PARD3: variants seen among roughly 807,000 people sequenced by gnomAD.
PARD3 encodes the protein par-3 family cell polarity regulator, also known as partitioning defective 3 homolog.
In PARD3, 75 loss-of-function variants were observed where a neutral mutation model predicts 155.4. That is an observed-to-expected ratio of 0.48 (90% CI 0.40 to 0.58). The LOEUF (loss-of-function observed/expected upper bound fraction) is 0.58. Ranked by LOEUF, PARD3 falls within the 20% of genes least tolerant of loss-of-function variation. PARD3 has a pLI of 0.00. For missense variants in PARD3, 1,642 were observed against 1,721.7 expected (o/e 0.95, Z 0.82); for synonymous variants, 576 against 610.5 (o/e 0.94, Z 0.83).
At chr10:34,676,377 C>T (rs1011800267) in intron 2 of PARD3, among the ~76,000 whole-genome samples, 1 of 152,136 alleles carries the variant, frequency 6.6e-6, no homozygotes, top group Non-Finnish European at 1.5e-5. Context: ...GTCTGTCTTT[C>T]TTAGCAGTGC....
intron 2 of PARD3, among the ~76,000 whole-genome samples, chr10:34,588,349 T>TA (rs1166534353): frequency 8.5e-5 from 13 of 152,340 alleles, no homozygotes; most frequent in African/African-American, 3.1e-4. Flanking sequence ...TTCTTTGCTG[T>TA]AAAGTCTATC....
At chr10:34,232,850 G>C (rs1490149753) in intron 22 of PARD3, among the ~76,000 whole-genome samples, 2 of 151,784 alleles carry the variant, frequency 1.3e-5, no homozygotes, top group African/African-American at 4.8e-5. Context: ...ACAGGCACAT[G>C]CCATCACGTG....
At chr10:34,795,602 C>T (rs1396307557) in intron 1 of PARD3, among the ~76,000 whole-genome samples, 1 of 151,898 alleles carries the variant, frequency 6.6e-6, no homozygotes, top group Non-Finnish European at 1.5e-5. Flanking sequence ...AGAGCAAGAC[C>T]CTGTCTCAAA....
chr10:34,665,770 G>A (rs1269691828), intron 2 of PARD3, among the ~76,000 whole-genome samples: 1 of 149,184 alleles, frequency 6.7e-6, no homozygotes, highest in Non-Finnish European at 1.5e-5. Context: ...CCCAGGAGGC[G>A]GAGGTTGCAG....
intron 20 of PARD3, among the ~76,000 whole-genome samples, chr10:34,297,408 T>C (rs1010600410): frequency 1.2e-4 from 19 of 152,220 alleles, no homozygotes; most frequent in Admixed American, 1.2e-3. Flanking sequence ...ATAAAACTAC[T>C]GTATAAAAAA....
intron 23 of PARD3, among the ~76,000 whole-genome samples, chr10:34,126,779 G>A (rs1164175884): frequency 2.1e-5 from 3 of 142,130 alleles, no homozygotes; most frequent in African/African-American, 7.9e-5. Flanking sequence ...TCATTTACAT[G>A]ATCAGTAAAA....
chr10:34,374,521 G>A (rs1841023162), intron 11 of PARD3, among the ~76,000 whole-genome samples: 1 of 152,174 alleles, frequency 6.6e-6, no homozygotes, highest in African/African-American at 2.4e-5. Context: ...TATGCAGTGT[G>A]GAAGATGGCA....
chr10:34,120,589 T>C (rs144838917), intron 23 of PARD3, among the ~76,000 whole-genome samples: 1 of 152,220 alleles, frequency 6.6e-6, no homozygotes, highest in Admixed American at 6.5e-5. Flanking sequence ...TAGTACAGGA[T>C]GACAGTGAAA....
chr10:34,304,642 C>CG (rs930963913), intron 20 of PARD3, among the ~76,000 whole-genome samples: 11 of 152,268 alleles, frequency 7.2e-5, no homozygotes, highest in Admixed American at 5.2e-4. Flanking sequence ...TGTTCAAATT[C>CG]GGTGTGACTC....
rs544498816 is a variant in PARD3, at chr10:34,250,151, C to CCG, written c.3419+19505_3419+19506insCG. Among the ~76,000 whole-genome samples the CCG allele has an allele frequency of 3.5e-3, 534 of 151,480 alleles. 4 individuals are homozygous for CCG. Among genetic ancestry groups the CCG allele is most frequent in the South Asian group, 0.02 (97 of 4,800 alleles). On this transcript the variant is annotated intron_variant, in intron 22 of 24. Transcript: ENST00000374788. The stretch of plus-strand genomic sequence containing the variant: ...TTAAAGAATTAAAGAAAACTGCTCC[C>CCG]CCTCCACACACACACAGCTTTCCAC...
intron 5 of PARD3, among the ~76,000 whole-genome samples, chr10:34,426,420 C>T (rs1564699981): frequency 6.6e-6 from 1 of 152,088 alleles, no homozygotes; most frequent in African/African-American, 2.4e-5. Flanking sequence ...GCTTACTTCA[C>T]GCTAAAATGT....
intron 3 of PARD3, among the ~76,000 whole-genome samples, chr10:34,479,397 A>G (rs2078926756): frequency 6.6e-6 from 1 of 151,778 alleles, no homozygotes; most frequent in Non-Finnish European, 1.5e-5. Flanking sequence ...TCCTGACCTC[A>G]TGATCCGCCC....
intron 2 of PARD3, among the ~76,000 whole-genome samples, chr10:34,554,427 C>A (rs1410226443): frequency 6.6e-6 from 1 of 152,148 alleles, no homozygotes; most frequent in African/African-American, 2.4e-5. Context: ...GTGAAAGATT[C>A]TGAATGAGGG....
chr10:34,304,946 T>C (rs796131866), intron 20 of PARD3, among the ~76,000 whole-genome samples: 1 of 152,168 alleles, frequency 6.6e-6, no homozygotes, highest in African/African-American at 2.4e-5. Flanking sequence ...AAACTGATAA[T>C]AGATCATCCT....
At chr10:34,538,456 C>T (rs2083370119) in intron 2 of PARD3, among the ~76,000 whole-genome samples, 1 of 152,200 alleles carries the variant, frequency 6.6e-6, no homozygotes, top group African/African-American at 2.4e-5. Flanking sequence ...AGATTGCAAC[C>T]TGTCTGAATC....
chr10:34,395,196 A>T (rs1019214954), intron 7 of PARD3, among the ~76,000 whole-genome samples: 1 of 152,004 alleles, frequency 6.6e-6, no homozygotes, highest in African/African-American at 2.4e-5. Context: ...CACAATGCCC[A>T]GCTAATTTTT....
chr10:34,605,126 C>A lies in PARD3; in HGVS notation c.223-87967G>T, dbSNP rs2090122198. On this transcript the variant is annotated intron_variant, in intron 2 of 24. Coordinates refer to ENST00000374788, the MANE Select transcript of PARD3 (RefSeq NM_001184785.2). ...TAGGGTGGTGTAAAAATAATCCATGCCGGATGTCAACTACACTAGGTATGC... is the reference window on the plus strand; with the variant it reads ...TAGGGTGGTGTAAAAATAATCCATGACGGATGTCAACTACACTAGGTATGC... Among the ~76,000 whole-genome samples the A allele has an allele frequency of 2.0e-5, 3 of 150,772 alleles. No homozygotes were observed. In the South Asian group the frequency reaches 6.3e-4, roughly 31 times the overall value.
chr10:34,261,414 C>T (rs2133805741), intron 22 of PARD3, among the ~76,000 whole-genome samples: 1 of 152,252 alleles, frequency 6.6e-6, no homozygotes, highest in East Asian at 1.9e-4. Context: ...AGGGGCTGGG[C>T]ACGGTGGCTC....
chr10:34,629,716 T>C (rs2092164689), intron 2 of PARD3, among the ~76,000 whole-genome samples: 1 of 152,224 alleles, frequency 6.6e-6, no homozygotes, highest in African/African-American at 2.4e-5. Flanking sequence ...CTTCATCTGG[T>C]TGTCATAACC....
Sources: allele counts gnomAD v4.1 joint callset (sites outside exome capture counted in the v4.1 genomes callset), GRCh38; gene constraint gnomAD v4.1.1; transcripts MANE v1.5; gene names NCBI Gene and HGNC (gene_info 2026-07-23, HGNC 2026-07-21).